GALNT17: variants seen among roughly 807,000 people sequenced by gnomAD.
GALNT17 encodes UDP-GalNAc:polypeptide N-acetylgalactosaminyltransferase-like 3.
A neutral mutation model predicts 63.7 loss-of-function variants in GALNT17; 29 were observed. That is an observed-to-expected ratio of 0.46 (90% CI 0.34 to 0.62). The LOEUF is 0.62. Ranked by LOEUF, GALNT17 falls within the 20% of genes least tolerant of loss-of-function variation. The probability of loss-of-function intolerance (pLI) is 0.01; values close to 1 mark genes in which losing one functional copy is unlikely to be tolerated. For synonymous variants in GALNT17, 305 were observed against 318.3 expected, an observed-to-expected ratio of 0.96 and a Z score of 0.45; for missense variants, 603 against 799.6, an observed-to-expected ratio of 0.75 and a Z score of 2.97.
Position 71,711,054 on chromosome 7 carries a change from C to T in GALNT17, c.1668+126C>T, listed in dbSNP as rs574222192. The T allele has an allele frequency of 1.8e-4, 241 of 1,308,260 alleles. 1 individual carries two copies. In the African/African-American group the frequency reaches 2.0e-3, roughly 11 times the overall value. The allele number at this position is 1,308,260 out of a possible 1,614,324, so 81.0% of individuals were successfully genotyped here. On this transcript the variant is annotated intron_variant, in intron 10 of 10. Coordinates refer to ENST00000333538, the MANE Select transcript of GALNT17 (RefSeq NM_022479.3). The stretch of plus-strand genomic sequence containing the variant: ...ACCCCGAACCCAGGTCTCCCTGCCC[C>T]GGGCTGGGCTTGTGGACCCAAAGCA...
intron 1 of GALNT17, among the ~76,000 whole-genome samples, chr7:71,236,923 C>A (rs192676873): frequency 6.6e-6 from 1 of 152,216 alleles, no homozygotes; most frequent in Non-Finnish European, 1.5e-5. Flanking sequence ...CTGTGCTCCA[C>A]GCTCACTGAG....
chr7:71,199,522 TCATCCATC>T lies in GALNT17; in HGVS notation c.238+66520_238+66527del, dbSNP rs34691979. ...ACATCCATCCACTAACCCCATCCATTCATCCATCCATCCATCCATCCATCCATCCATCC... is the reference window on the plus strand; with the variant it reads ...ACATCCATCCACTAACCCCATCCATTCATCCATCCATCCATCCATCCATCC... On this transcript the variant is annotated intron_variant, in intron 1 of 10. Transcript: ENST00000333538. 1.6e-3 allele frequency among the ~76,000 whole-genome samples: 224 copies of T among 142,780 alleles called. 1 individual carries two copies. Among genetic ancestry groups the T allele is most frequent in the South Asian group, 2.7e-3 (12 of 4,400 alleles). 93.7% of individuals were successfully genotyped at this position (142,780 alleles called of 152,430 possible).
At position 71,585,928 on chromosome 7, in the gene GALNT17, T is replaced by TC. The variant is rs1289372244; in HGVS notation, c.1080+14526_1080+14527insC. Among the ~76,000 whole-genome samples the TC allele has an allele frequency of 1.1e-3, 163 of 145,316 alleles. 2 individuals are homozygous for TC. Among genetic ancestry groups the TC allele is most frequent in the Middle Eastern group, 3.5e-3 (1 of 282 alleles). ...TTTCCTGATTTCTTTTTTTTTTTTT[T>TC]GAGAAGGAGTCTTGCTCTGTCACCC... On this transcript the variant is annotated intron_variant, in intron 6 of 10. Coordinates refer to ENST00000333538, the MANE Select transcript of GALNT17 (RefSeq NM_022479.3).
chr7:71,420,318 A>G (rs1786638614), intron 4 of GALNT17, among the ~76,000 whole-genome samples: 2 of 152,184 alleles, frequency 1.3e-5, no homozygotes, highest in Non-Finnish European at 2.9e-5. Context: ...CCAGTCTCCT[A>G]TTGCTAACCA....
intron 5 of GALNT17, among the ~76,000 whole-genome samples, chr7:71,442,507 G>A (rs958998099): frequency 6.6e-6 from 1 of 152,182 alleles, no homozygotes; most frequent in African/African-American, 2.4e-5. Flanking sequence ...GAAGTTTTAA[G>A]CAGACTTTCC....
At chr7:71,701,327 A>G (rs957333638) in intron 9 of GALNT17, among the ~76,000 whole-genome samples, 2 of 151,988 alleles carry the variant, frequency 1.3e-5, no homozygotes, top group African/African-American at 4.8e-5. Context: ...TCTCTACTAA[A>G]AGTATAAAAA....
At chr7:71,543,638 TCTAA>T (rs1739238586) in intron 5 of GALNT17, among the ~76,000 whole-genome samples, 1 of 151,694 alleles carries the variant, frequency 6.6e-6, no homozygotes, top group African/African-American at 2.4e-5. Context: ...CCATATTGAG[TCTAA>T]CTGATTTCAG....
intron 1 of GALNT17, among the ~76,000 whole-genome samples, chr7:71,333,912 A>C (rs1454326386): frequency 1.3e-5 from 2 of 152,234 alleles, no homozygotes; most frequent in African/African-American, 4.8e-5. Context: ...TTTGTACTCA[A>C]CATGGGAAGA....
chr7:71,683,192 C>A (rs1791296746), intron 9 of GALNT17, among the ~76,000 whole-genome samples: 1 of 152,160 alleles, frequency 6.6e-6, no homozygotes. Context: ...TTTCCGTCAG[C>A]TGCTTTTTAA....
chr7:71,217,664 G>A (rs983356629), intron 1 of GALNT17, among the ~76,000 whole-genome samples: 5 of 152,096 alleles, frequency 3.3e-5, no homozygotes, highest in Middle Eastern at 3.4e-3. Flanking sequence ...GGTGGCTCAC[G>A]CCTGTAATCC....
chr7:71,228,652 A>G (rs1296308401), intron 1 of GALNT17, among the ~76,000 whole-genome samples: 1 of 152,158 alleles, frequency 6.6e-6, no homozygotes, highest in Non-Finnish European at 1.5e-5. Flanking sequence ...TAATAGGGCC[A>G]GCATCTTCCA....
At chr7:71,618,240 G>A (rs1457788030) in intron 6 of GALNT17, among the ~76,000 whole-genome samples, 2 of 152,136 alleles carry the variant, frequency 1.3e-5, no homozygotes, top group Non-Finnish European at 2.9e-5. Context: ...GGTTGACCAT[G>A]TCTTTGCTAT....
At chr7:71,279,170 G>A (rs796439869) in intron 1 of GALNT17, among the ~76,000 whole-genome samples, 21 of 151,790 alleles carry the variant, frequency 1.4e-4, no homozygotes, top group African/African-American at 4.3e-4. Flanking sequence ...TGATCTGCCC[G>A]CCTTGGCCTC....
intron 6 of GALNT17, among the ~76,000 whole-genome samples, chr7:71,616,028 G>T (rs1584091600): frequency 6.6e-6 from 1 of 151,106 alleles, no homozygotes; most frequent in East Asian, 2.0e-4. Flanking sequence ...TTTGAATGTG[G>T]TTCTTAGTTG....
chr7:71,311,230 C>T (rs1285697637), intron 1 of GALNT17, among the ~76,000 whole-genome samples: 1 of 152,164 alleles, frequency 6.6e-6, no homozygotes, highest in Non-Finnish European at 1.5e-5. Flanking sequence ...AACACCTTCT[C>T]TCCTAAAGAT....
intron 1 of GALNT17, among the ~76,000 whole-genome samples, chr7:71,314,542 A>G (rs77348842): frequency 0.015 from 2,304 of 152,300 alleles, 27 homozygotes; most frequent in Middle Eastern, 0.027. Flanking sequence ...AAAGTCTGGA[A>G]AGAAGGACAA....
At chr7:71,594,171 G>A (rs1278961388) in intron 6 of GALNT17, among the ~76,000 whole-genome samples, 1 of 152,172 alleles carries the variant, frequency 6.6e-6, no homozygotes, top group East Asian at 1.9e-4. Context: ...TTATGCGGGA[G>A]ACACAGGGAC....
At chr7:71,228,608 C>T (rs1000393698) in intron 1 of GALNT17, among the ~76,000 whole-genome samples, 4 of 152,182 alleles carry the variant, frequency 2.6e-5, no homozygotes, top group Admixed American at 2.0e-4. Flanking sequence ...CCCGTGGCTC[C>T]CAACATTCCT....
chr7:71,614,247 C>T (rs756647392), intron 6 of GALNT17, among the ~76,000 whole-genome samples: 4 of 152,106 alleles, frequency 2.6e-5, no homozygotes, highest in Non-Finnish European at 5.9e-5. Context: ...TCCAAAAAAT[C>T]TGAAATCCAA....
Sources: gnomAD v4.1 joint callset for allele counts (sites outside exome capture counted in the v4.1 genomes callset) on GRCh38, gnomAD v4.1.1 for gene constraint, MANE v1.5 for transcripts, NCBI Gene and HGNC (gene_info 2026-07-23, HGNC 2026-07-21) for gene names.